Variants in NRXN3 observed in about 807,000 individuals in gnomAD.
NRXN3 encodes neurexin 3.
Under a neutral mutation model 137.6 loss-of-function variants are expected in NRXN3, and 32 were observed. That is an observed-to-expected ratio of 0.23 (90% CI 0.18 to 0.31). The LOEUF (loss-of-function observed/expected upper bound fraction) is 0.31, where lower values mean the gene tolerates loss of function less well. Among genes scored for constraint, NRXN3 ranks in the 10% least tolerant of loss-of-function variants. NRXN3 has a pLI of 1.00. For missense variants in NRXN3, 1,574 were observed against 2,062.5 expected (o/e 0.76, Z 4.59); for synonymous variants, 798 against 784.5 (o/e 1.02, Z -0.29).
chr14:79,086,622 T>A (rs1293581076), intron 15 of NRXN3, among the ~76,000 whole-genome samples: 1 of 152,150 alleles, frequency 6.6e-6, no homozygotes, highest in Non-Finnish European at 1.5e-5. Flanking sequence ...ATTCTTGAGT[T>A]ATGAGGTCAG....
At chr14:78,437,373 G>A (rs995600534) in intron 4 of NRXN3, among the ~76,000 whole-genome samples, 1 of 149,598 alleles carries the variant, frequency 6.7e-6, no homozygotes, top group African/African-American at 2.5e-5. Context: ...TTTTGAGACA[G>A]AGTCTCACTC....
chr14:79,652,905 GGTAA>G (rs1052604106), intron 16 of NRXN3, among the ~76,000 whole-genome samples: 3 of 151,838 alleles, frequency 2.0e-5, no homozygotes, highest in African/African-American at 7.3e-5. Flanking sequence ...GGTGGTTGGG[GGTAA>G]GTAAGGACCC....
chr14:79,587,823 G>A (rs542033542), intron 16 of NRXN3, among the ~76,000 whole-genome samples: 50 of 152,170 alleles, frequency 3.3e-4, no homozygotes, highest in African/African-American at 1.1e-3. Context: ...GAATGGAAAC[G>A]GTCTTCAATT....
chr14:78,737,666 G>A (rs755766143), intron 8 of NRXN3, among the ~76,000 whole-genome samples: 1 of 152,148 alleles, frequency 6.6e-6, no homozygotes, highest in Admixed American at 6.5e-5. Flanking sequence ...ATTAATTTCA[G>A]AAATCCAGTC....
chr14:79,754,809 CG>C (rs1295508306), intron 19 of NRXN3, among the ~76,000 whole-genome samples: 1 of 151,838 alleles, frequency 6.6e-6, no homozygotes, highest in Admixed American at 6.6e-5. Flanking sequence ...GATTATGGAA[CG>C]GTTTCCGCAT....
intron 4 of NRXN3, among the ~76,000 whole-genome samples, chr14:78,563,363 GA>G (rs1213031412): frequency 9.2e-5 from 14 of 152,214 alleles, no homozygotes; most frequent in African/African-American, 3.4e-4. Flanking sequence ...GATGGATAGA[GA>G]AATGATAACG....
chr14:79,747,373 G>A (rs1161802226), intron 19 of NRXN3, among the ~76,000 whole-genome samples: 2 of 152,062 alleles, frequency 1.3e-5, no homozygotes, highest in Non-Finnish European at 2.9e-5. Flanking sequence ...TATGATGGCT[G>A]TTGGAAAAAA....
chr14:78,453,903 C>T (rs760264851), intron 4 of NRXN3, among the ~76,000 whole-genome samples: 6 of 152,160 alleles, frequency 3.9e-5, no homozygotes, highest in African/African-American at 7.2e-5. Flanking sequence ...TTAGAGTCCT[C>T]GGAAATAACC....
At chr14:78,205,373 G>T (rs780680841) in intron 1 of NRXN3, among the ~76,000 whole-genome samples, 13 of 152,218 alleles carry the variant, frequency 8.5e-5, no homozygotes, top group Non-Finnish European at 1.8e-4. Flanking sequence ...CACTGGCATG[G>T]TGCAATGTGT....
chr14:78,681,572 C>T (rs1479255008), intron 6 of NRXN3, among the ~76,000 whole-genome samples: 2 of 152,026 alleles, frequency 1.3e-5, no homozygotes, highest in South Asian at 2.1e-4. Flanking sequence ...AAGTATTTTT[C>T]GTTTGTTAGG....
intron 4 of NRXN3, among the ~76,000 whole-genome samples, chr14:78,609,464 A>G (rs10134678): frequency 0.037 from 5,650 of 152,248 alleles, 348 homozygotes; most frequent in African/African-American, 0.13. Flanking sequence ...AAGGAAATGA[A>G]TAGGATATCA....
intron 4 of NRXN3, among the ~76,000 whole-genome samples, chr14:78,617,518 A>G (rs2097358431): frequency 6.6e-6 from 1 of 152,172 alleles, no homozygotes. Flanking sequence ...TGCAAAACCC[A>G]GGTTGAATCC....
chr14:78,256,708 C>T (rs1024585378), intron 2 of NRXN3, among the ~76,000 whole-genome samples: 1 of 152,230 alleles, frequency 6.6e-6, no homozygotes, highest in African/African-American at 2.4e-5. Context: ...TAGGAACCTG[C>T]ATCCATGCAA....
chr14:79,838,076 G>C (rs1199589944), intron 20 of NRXN3, among the ~76,000 whole-genome samples: 1 of 151,268 alleles, frequency 6.6e-6, no homozygotes, highest in East Asian at 2.0e-4. Flanking sequence ...ATTTTGTACT[G>C]AATAGTATAC....
chr14:79,301,830 G>C (rs1011962335), intron 15 of NRXN3, among the ~76,000 whole-genome samples: 2 of 151,960 alleles, frequency 1.3e-5, no homozygotes, highest in African/African-American at 4.8e-5. Context: ...ATGTTTAAGG[G>C]ATGCATTTGT....
At chr14:79,084,998 A>G (rs758205976) in intron 15 of NRXN3, among the ~76,000 whole-genome samples, 7 of 152,180 alleles carry the variant, frequency 4.6e-5, no homozygotes, top group Middle Eastern at 3.4e-3. Flanking sequence ...GAGACGTTTT[A>G]TTTGCCTCCT....
At chr14:79,403,110 C>T (rs182432110) in intron 15 of NRXN3, among the ~76,000 whole-genome samples, 159 of 152,142 alleles carry the variant, frequency 1.0e-3, no homozygotes, top group African/African-American at 3.6e-3. Context: ...AAACCATAGG[C>T]TATGGGAGTC....
intron 15 of NRXN3, among the ~76,000 whole-genome samples, chr14:79,046,631 C>A (rs1377737913): frequency 1.3e-5 from 2 of 152,128 alleles, no homozygotes; most frequent in Non-Finnish European, 2.9e-5. Context: ...TTTCATCAGA[C>A]AATCAGTCTT....
chr14:79,068,850 G>T (rs1421158998), intron 15 of NRXN3, among the ~76,000 whole-genome samples: 1 of 152,052 alleles, frequency 6.6e-6, no homozygotes, highest in Admixed American at 6.6e-5. Flanking sequence ...GTCTCAGCTG[G>T]ATTTTCAGTT....
Sources: gnomAD v4.1 joint callset for allele counts (sites outside exome capture counted in the v4.1 genomes callset) on GRCh38, gnomAD v4.1.1 for gene constraint, MANE v1.5 for transcripts, NCBI Gene and HGNC (gene_info 2026-07-23, HGNC 2026-07-21) for gene names.